The following PPP2R2B variants were observed in gnomAD, a reference collection of about 807,000 sequenced individuals.
PPP2R2B encodes serine/threonine-protein phosphatase 2A 55 kDa regulatory subunit B beta isoform.
Under a neutral mutation model 46.0 loss-of-function variants are expected in PPP2R2B, and 5 were observed. The ratio of observed to expected loss-of-function variants is 0.11; its 90% CI spans 0.06 to 0.23. The LOEUF (loss-of-function observed/expected upper bound fraction) is 0.23, where lower values mean the gene tolerates loss of function less well. Ranked by LOEUF, PPP2R2B falls within the 10% of genes least tolerant of loss-of-function variation. The probability of loss-of-function intolerance (pLI) is 1.00; values close to 1 mark genes in which losing one functional copy is unlikely to be tolerated. For synonymous variants in PPP2R2B, 215 were observed against 206.7 expected, an observed-to-expected ratio of 1.04 and a Z score of -0.34; for missense variants, 367 against 575.0, an observed-to-expected ratio of 0.64 and a Z score of 3.70.
At chr5:146,732,231 A>G (rs975878424) in intron 2 of PPP2R2B, among the ~76,000 whole-genome samples, 9 of 152,232 alleles carry the variant, frequency 5.9e-5, no homozygotes, top group South Asian at 4.1e-4. Context: ...AAGAATTTCA[A>G]TAACTTCTTT....
At chr5:146,888,612 T>G (rs892891140) in intron 1 of PPP2R2B, among the ~76,000 whole-genome samples, 1 of 152,200 alleles carries the variant, frequency 6.6e-6, no homozygotes, top group African/African-American at 2.4e-5. Flanking sequence ...ATTGGCTTCC[T>G]ACACATTCAG....
intron 2 of PPP2R2B, among the ~76,000 whole-genome samples, chr5:146,703,213 A>T (rs527746354): frequency 1.3e-5 from 2 of 152,320 alleles, no homozygotes; most frequent in East Asian, 3.9e-4. Flanking sequence ...AAATTTGGGT[A>T]CAGCCTAAAG....
chr5:147,069,793 T>TGTTTTTGTTTTTG lies in PPP2R2B; in HGVS notation c.50+11265_50+11266insCAAAAACAAAAAC, dbSNP rs1561611860. ...TGAACACATTTTATACTGTTTTTTT[T>TGTTTTTGTTTTTG]TTTTTTTTTTTTTTTGAGATGGAGT... On this transcript the variant is annotated intron_variant, in intron 2 of 10. Transcript: ENST00000394413. Among the ~76,000 whole-genome samples, 31 of 121,428 alleles carry TGTTTTTGTTTTTG rather than the reference T, an allele frequency of 2.6e-4. 1 individual carries two copies. Among genetic ancestry groups the TGTTTTTGTTTTTG allele is most frequent in the African/African-American group, 1.1e-3 (31 of 28,644 alleles). 79.7% of individuals were successfully genotyped at this position (121,428 alleles called of 152,430 possible).
chr5:146,888,790 A>G (rs1413145552), intron 1 of PPP2R2B, among the ~76,000 whole-genome samples: 1 of 152,164 alleles, frequency 6.6e-6, no homozygotes, highest in Non-Finnish European at 1.5e-5. Context: ...TCCCACTCCA[A>G]GACCTTTGCA....
At chr5:147,008,802 C>T (rs918652701) in intron 1 of PPP2R2B, among the ~76,000 whole-genome samples, 1 of 152,130 alleles carries the variant, frequency 6.6e-6, no homozygotes, top group Non-Finnish European at 1.5e-5. Flanking sequence ...TGAAGGAGCT[C>T]AACTCTAGTT....
chr5:147,041,311 T>C (rs1756285750), intron 1 of PPP2R2B, among the ~76,000 whole-genome samples: 1 of 152,156 alleles, frequency 6.6e-6, no homozygotes, highest in African/African-American at 2.4e-5. Flanking sequence ...AGAAAATAGC[T>C]CTGTTCACAG....
intron 2 of PPP2R2B, among the ~76,000 whole-genome samples, chr5:146,757,938 C>T (rs879353440): frequency 3.9e-5 from 6 of 152,070 alleles, no homozygotes; most frequent in Admixed American, 6.6e-5. Context: ...AAGGCTTGGT[C>T]GCCTGAAATG....
intron 2 of PPP2R2B, among the ~76,000 whole-genome samples, chr5:146,744,682 G>T (rs549690258): frequency 6.6e-6 from 1 of 152,196 alleles, no homozygotes; most frequent in Non-Finnish European, 1.5e-5. Context: ...CCTAAGAAGG[G>T]TTCCTCCTCA....
chr5:146,680,436 C>T (rs408064), intron 5 of PPP2R2B, among the ~76,000 whole-genome samples: 34,360 of 148,176 alleles, frequency 0.23, 5,847 homozygotes, highest in African/African-American at 0.48. Context: ...GGGAGATATA[C>T]CTAATGCTAG....
intron 2 of PPP2R2B, among the ~76,000 whole-genome samples, chr5:146,823,888 A>G (rs1758417944): frequency 6.6e-6 from 1 of 152,160 alleles, no homozygotes; most frequent in Non-Finnish European, 1.5e-5. Flanking sequence ...TGGCTCAACC[A>G]AACTTATGCT....
chr5:146,927,036 G>T (rs566899527), intron 1 of PPP2R2B, among the ~76,000 whole-genome samples: 2 of 152,290 alleles, frequency 1.3e-5, no homozygotes, highest in African/African-American at 4.8e-5. Flanking sequence ...TGGTCATCAT[G>T]GCTTGCTGTA....
chr5:146,774,598 C>T (rs990843233), intron 2 of PPP2R2B, among the ~76,000 whole-genome samples: 1 of 152,014 alleles, frequency 6.6e-6, no homozygotes, highest in Admixed American at 6.5e-5. Flanking sequence ...GGGCGGATCA[C>T]CTGAGGTCTG....
At chr5:147,048,343 G>T (rs765068850) in intron 1 of PPP2R2B, among the ~76,000 whole-genome samples, 2 of 152,058 alleles carry the variant, frequency 1.3e-5, no homozygotes, top group Non-Finnish European at 2.9e-5. Flanking sequence ...TTTTCAATAG[G>T]TTACTCAGCC....
chr5:146,810,578 G>A (rs1757469701), intron 2 of PPP2R2B, among the ~76,000 whole-genome samples: 1 of 152,150 alleles, frequency 6.6e-6, no homozygotes, highest in South Asian at 2.1e-4. Context: ...CACACAGCTG[G>A]TGAATCGTCC....
At chr5:147,024,629 C>A (rs964035279) in intron 1 of PPP2R2B, among the ~76,000 whole-genome samples, 13 of 152,072 alleles carry the variant, frequency 8.5e-5, no homozygotes, top group African/African-American at 3.1e-4. Context: ...CACTCTCTGG[C>A]CACAAAAGAT....
At chr5:146,667,069 A>C (rs935819559) in intron 5 of PPP2R2B, among the ~76,000 whole-genome samples, 1 of 152,076 alleles carries the variant, frequency 6.6e-6, no homozygotes, top group Non-Finnish European at 1.5e-5. Context: ...ATTCTGGATA[A>C]TTGGATTTTT....
At chr5:146,955,200 A>G (rs1269095313) in intron 1 of PPP2R2B, among the ~76,000 whole-genome samples, 2 of 152,194 alleles carry the variant, frequency 1.3e-5, no homozygotes, top group African/African-American at 4.8e-5. Context: ...TAGGAATCAG[A>G]ATAATTAAAA....
intron 2 of PPP2R2B, among the ~76,000 whole-genome samples, chr5:146,841,154 GA>G (rs764583098): frequency 9.9e-5 from 15 of 152,176 alleles, no homozygotes; most frequent in Non-Finnish European, 1.6e-4. Context: ...TGTGCATAAA[GA>G]TCAAATGCAC....
intron 2 of PPP2R2B, among the ~76,000 whole-genome samples, chr5:146,765,384 G>A (rs1176689543): frequency 6.6e-6 from 1 of 152,144 alleles, no homozygotes; most frequent in Non-Finnish European, 1.5e-5. Flanking sequence ...AACAACATAT[G>A]AGAAATAAGG....
Sources: allele counts gnomAD v4.1 joint callset (sites outside exome capture counted in the v4.1 genomes callset), GRCh38; gene constraint gnomAD v4.1.1; transcripts MANE v1.5; gene names NCBI Gene and HGNC (gene_info 2026-07-23, HGNC 2026-07-21).